SLC24A2: variants seen among roughly 807,000 people sequenced by gnomAD.
The protein encoded by SLC24A2 is sodium/potassium/calcium exchanger 2.
Under a neutral mutation model 62.0 loss-of-function variants are expected in SLC24A2, and 36 were observed. The observed-to-expected ratio is 0.58, with a 90% CI of 0.44 to 0.77. The LOEUF (loss-of-function observed/expected upper bound fraction) is 0.77. Among genes scored for constraint, SLC24A2 ranks in the 30% least tolerant of loss-of-function variants. The pLI is 0.00. For synonymous variants in SLC24A2, 358 were observed against 294.0 expected (o/e 1.22, Z -2.23); for missense variants, 846 against 817.9 (o/e 1.03, Z -0.42).
At chr9:19,856,048 G>A in the SLC24A2 span, among the ~76,000 whole-genome samples, 1 of 152,022 alleles carries the variant, frequency 6.6e-6, no homozygotes, top group Admixed American at 6.6e-5. Flanking sequence ...CAAGCTCTGA[G>A]ATTCTTTCCT....
At chr9:20,104,100 T>C in the SLC24A2 span, among the ~76,000 whole-genome samples, 3 of 152,062 alleles carry the variant, frequency 2.0e-5, no homozygotes, top group African/African-American at 2.4e-5. Flanking sequence ...AGGGTATCAG[T>C]GATGGAAGAT....
intron 8 of SLC24A2, among the ~76,000 whole-genome samples, chr9:19,542,865 G>T (rs7872889): frequency 6.6e-6 from 1 of 152,082 alleles, no homozygotes; most frequent in African/African-American, 2.4e-5. Flanking sequence ...TTTTCGCATC[G>T]ATGTTCATCA....
chr9:19,649,516 A>G (rs535099781), intron 2 of SLC24A2, among the ~76,000 whole-genome samples: 7 of 152,288 alleles, frequency 4.6e-5, no homozygotes, highest in South Asian at 4.1e-4. Context: ...TTAGACCTCA[A>G]TGTGGATTTT....
At chr9:20,112,343 TC>T in the SLC24A2 span, among the ~76,000 whole-genome samples, 1 of 152,224 alleles carries the variant, frequency 6.6e-6, no homozygotes, top group Non-Finnish European at 1.5e-5. Context: ...AATTTGCTGG[TC>T]TGTTTAAAAC....
At chr9:20,112,215 G>A in the SLC24A2 span, among the ~76,000 whole-genome samples, 1 of 152,236 alleles carries the variant, frequency 6.6e-6, no homozygotes, top group Non-Finnish European at 1.5e-5. Flanking sequence ...AGATCTCTCT[G>A]CCTGAAGGAA....
chr9:19,831,067 C>A, the SLC24A2 span, among the ~76,000 whole-genome samples: 8 of 152,270 alleles, frequency 5.3e-5, no homozygotes, highest in East Asian at 1.9e-4. Context: ...CCTCCTTTAA[C>A]CTTGAACCCT....
the SLC24A2 span, among the ~76,000 whole-genome samples, chr9:19,827,252 A>G: frequency 6.6e-6 from 1 of 152,158 alleles, no homozygotes; most frequent in Non-Finnish European, 1.5e-5. Flanking sequence ...AGATAAGTAT[A>G]TGAAGCTCTG....
At position 19,513,583 on chromosome 9, in the gene SLC24A2, A is replaced by C. The variant is rs1250555645; in HGVS notation, c.*2570T>G. 1 of 152,124 alleles carries C rather than the reference A, an allele frequency of 6.6e-6. No homozygotes were observed. The highest frequency in any genetic ancestry group is 6.5e-5 in the Admixed American group (1 of 15,272). The allele number at this position is 152,124 out of a possible 1,614,324, so 9.4% of individuals were successfully genotyped here. ...AGCTCCGAGACAAGCAAAGGGCACC[A>C]TAGCTGCTTTGATCAGCCTTCACTG... On this transcript the variant is annotated 3_prime_UTR_variant, in exon 11 of 11. Transcript: ENST00000341998.
At chr9:19,702,180 G>A (rs1236880639) in intron 2 of SLC24A2, among the ~76,000 whole-genome samples, 1 of 152,194 alleles carries the variant, frequency 6.6e-6, no homozygotes, top group African/African-American at 2.4e-5. Flanking sequence ...CACTAATCAT[G>A]ATGATTTGAA....
chr9:19,972,996 A>C, the SLC24A2 span, among the ~76,000 whole-genome samples: 1 of 152,158 alleles, frequency 6.6e-6, no homozygotes, highest in East Asian at 1.9e-4. Flanking sequence ...GGGATCTTTC[A>C]ACTGGTGATC....
the SLC24A2 span, among the ~76,000 whole-genome samples, chr9:20,135,158 A>T: frequency 1.3e-5 from 2 of 152,142 alleles, no homozygotes; most frequent in Non-Finnish European, 2.9e-5. Context: ...GACTGAATTG[A>T]TTCTCCCAAT....
At chr9:20,054,942 C>T in the SLC24A2 span, among the ~76,000 whole-genome samples, 4 of 152,168 alleles carry the variant, frequency 2.6e-5, no homozygotes, top group African/African-American at 9.7e-5. Flanking sequence ...TGACATAATC[C>T]TTTAAATAGT....
chr9:19,673,189 T>C (rs1819467074), intron 2 of SLC24A2, among the ~76,000 whole-genome samples: 1 of 146,534 alleles, frequency 6.8e-6, no homozygotes, highest in South Asian at 2.1e-4. Flanking sequence ...TTAGGTCTAG[T>C]AGTAACAGTT....
At chr9:19,673,299 T>C (rs1334797796) in intron 2 of SLC24A2, among the ~76,000 whole-genome samples, 1 of 146,752 alleles carries the variant, frequency 6.8e-6, no homozygotes, top group Admixed American at 6.6e-5. Flanking sequence ...TGTCCCTCTT[T>C]GTTCTTTTTC....
At chr9:20,106,675 A>G in the SLC24A2 span, among the ~76,000 whole-genome samples, 3 of 152,148 alleles carry the variant, frequency 2.0e-5, no homozygotes, top group Admixed American at 6.6e-5. Flanking sequence ...CTCTCAATAA[A>G]TTAGGTATTG....
chr9:19,564,372 T>C (rs1376923633), intron 7 of SLC24A2, among the ~76,000 whole-genome samples: 1 of 152,232 alleles, frequency 6.6e-6, no homozygotes, highest in Non-Finnish European at 1.5e-5. Context: ...CCACTGAGTT[T>C]AGGTAAAGAT....
chr9:20,155,045 C>CA, the SLC24A2 span, among the ~76,000 whole-genome samples: 1 of 150,050 alleles, frequency 6.7e-6, no homozygotes, highest in Non-Finnish European at 1.5e-5. Context: ...ACCATTGGGT[C>CA]AAACGGCCAT....
the SLC24A2 span, among the ~76,000 whole-genome samples, chr9:19,890,037 G>C: frequency 7.6e-6 from 1 of 132,012 alleles, no homozygotes; most frequent in Non-Finnish European, 1.6e-5. Flanking sequence ...TTCTTACTTA[G>C]TTTAGAGTTT....
the SLC24A2 span, among the ~76,000 whole-genome samples, chr9:20,303,116 A>G: frequency 6.7e-6 from 1 of 149,280 alleles, no homozygotes; most frequent in Non-Finnish European, 1.5e-5. Flanking sequence ...ACATAGATAT[A>G]TCTGTATTTT....
Sources: gnomAD v4.1 joint callset for allele counts (sites outside exome capture counted in the v4.1 genomes callset) on GRCh38, gnomAD v4.1.1 for gene constraint, MANE v1.5 for transcripts, NCBI Gene and HGNC (gene_info 2026-07-23, HGNC 2026-07-21) for gene names.